Variants in KCTD8 observed in about 807,000 individuals in gnomAD.
The protein encoded by KCTD8 is BTB/POZ domain-containing protein KCTD8.
Under a neutral mutation model 31.5 loss-of-function variants are expected in KCTD8, and 27 were observed. The ratio of observed to expected loss-of-function variants is 0.86; its 90% CI spans 0.63 to 1.18. The LOEUF is 1.18. Ranked by LOEUF, KCTD8 falls within the 50% of genes most tolerant of loss-of-function variation. KCTD8 has a pLI of 0.00. For synonymous variants in KCTD8, 290 were observed against 280.0 expected (o/e 1.04, Z -0.36); for missense variants, 658 against 647.7 (o/e 1.02, Z -0.17).
intron 1 of KCTD8, among the ~76,000 whole-genome samples, chr4:44,408,423 A>G (rs1371587174): frequency 1.3e-5 from 2 of 152,176 alleles, no homozygotes; most frequent in African/African-American, 2.4e-5. Flanking sequence ...GATAATCTAT[A>G]CCTGAGATAT....
intron 1 of KCTD8, among the ~76,000 whole-genome samples, chr4:44,176,406 T>C (rs1560386316): frequency 1.3e-5 from 2 of 152,224 alleles, no homozygotes; most frequent in Admixed American, 6.5e-5. Flanking sequence ...GGGTGCCACC[T>C]GGCCATCAGG....
chr4:44,443,965 C>A (rs1721873274), intron 1 of KCTD8, among the ~76,000 whole-genome samples: 1 of 151,918 alleles, frequency 6.6e-6, no homozygotes, highest in African/African-American at 2.4e-5. Flanking sequence ...TGTTTTTCCC[C>A]CAAGAAAGGA....
chr4:44,185,661 C>T (rs2109332411), intron 1 of KCTD8, among the ~76,000 whole-genome samples: 1 of 152,214 alleles, frequency 6.6e-6, no homozygotes, highest in Non-Finnish European at 1.5e-5. Context: ...CCCCTTTTAG[C>T]TATTCTTCAA....
chr4:44,250,812 A>T (rs1715806981), intron 1 of KCTD8, among the ~76,000 whole-genome samples: 1 of 151,772 alleles, frequency 6.6e-6, no homozygotes, highest in Non-Finnish European at 1.5e-5. Flanking sequence ...AGAAGTAAAT[A>T]GTATTTAATT....
chr4:44,370,762 G>T (rs2109436005), intron 1 of KCTD8, among the ~76,000 whole-genome samples: 1 of 152,164 alleles, frequency 6.6e-6, no homozygotes, highest in Non-Finnish European at 1.5e-5. Context: ...CTAGCTAAAA[G>T]AAAAGTGCAA....
intron 1 of KCTD8, among the ~76,000 whole-genome samples, chr4:44,232,171 A>C (rs1032224250): frequency 1.3e-5 from 2 of 152,164 alleles, no homozygotes; most frequent in Non-Finnish European, 2.9e-5. Flanking sequence ...GCATTTTCAG[A>C]AACAATAATT....
rs1356770516 is a variant in KCTD8, at chr4:44,336,137, G to A, written c.961+111426C>T. Among the ~76,000 whole-genome samples, 4 of 99,706 alleles carry A rather than the reference G, an allele frequency of 4.0e-5. No homozygotes were observed. The East Asian group carries it at 9.7e-4, about 24-fold the overall frequency. 65.4% of individuals were successfully genotyped at this position (99,706 alleles called of 152,430 possible). On this transcript the variant is annotated intron_variant, in intron 1 of 1. Transcript: ENST00000360029. ...TGCACTCCAGCCTGGGCGACAGAGC[G>A]AGACTCCGTCTCAAAAAAAAAAAAA... is the stretch of plus-strand genomic sequence containing the variant.
At chr4:44,353,019 A>G (rs1213555796) in intron 1 of KCTD8, among the ~76,000 whole-genome samples, 1 of 152,148 alleles carries the variant, frequency 6.6e-6, no homozygotes, top group Non-Finnish European at 1.5e-5. Flanking sequence ...GTACAATACA[A>G]TGAGTTTTGG....
At chr4:44,392,608 T>C (rs1720401257) in intron 1 of KCTD8, among the ~76,000 whole-genome samples, 1 of 152,018 alleles carries the variant, frequency 6.6e-6, no homozygotes, top group Non-Finnish European at 1.5e-5. Context: ...ATTAGTCTGA[T>C]TCACTCATAA....
intron 1 of KCTD8, among the ~76,000 whole-genome samples, chr4:44,399,119 G>A (rs111759478): frequency 8.3e-4 from 126 of 152,276 alleles, no homozygotes; most frequent in Non-Finnish European, 1.3e-3. Context: ...ACAGAGGCCA[G>A]GATAGGAGAG....
chr4:44,432,994 C>T (rs1001573332), intron 1 of KCTD8, among the ~76,000 whole-genome samples: 2 of 151,528 alleles, frequency 1.3e-5, no homozygotes, highest in African/African-American at 2.4e-5. Flanking sequence ...CATTTCCAGG[C>T]TCCTCTTTAT....
At chr4:44,236,248 C>A (rs1443905464) in intron 1 of KCTD8, among the ~76,000 whole-genome samples, 1 of 152,094 alleles carries the variant, frequency 6.6e-6, no homozygotes, top group Non-Finnish European at 1.5e-5. Flanking sequence ...TACCCAAATC[C>A]TACCAAAAGC....
intron 1 of KCTD8, among the ~76,000 whole-genome samples, chr4:44,437,489 T>G (rs1217920817): frequency 6.6e-6 from 1 of 152,208 alleles, no homozygotes; most frequent in Admixed American, 6.5e-5. Flanking sequence ...TTCAGTACCT[T>G]AAAATTAATC....
At chr4:44,198,149 G>A (rs1428128035) in intron 1 of KCTD8, among the ~76,000 whole-genome samples, 2 of 152,026 alleles carry the variant, frequency 1.3e-5, no homozygotes, top group Non-Finnish European at 2.9e-5. Context: ...AGAAATATGG[G>A]ACTATGTAAA....
intron 1 of KCTD8, among the ~76,000 whole-genome samples, chr4:44,433,277 C>T (rs902380769): frequency 1.3e-5 from 2 of 151,754 alleles, no homozygotes; most frequent in Admixed American, 1.3e-4. Context: ...CAATAGATCA[C>T]AAAGTCTGAC....
At chr4:44,336,728 AAC>A (rs1404175216) in intron 1 of KCTD8, among the ~76,000 whole-genome samples, 2 of 152,124 alleles carry the variant, frequency 1.3e-5, no homozygotes, top group African/African-American at 4.8e-5. Flanking sequence ...AGAAAATATA[AAC>A]AGTCATAATA....
intron 1 of KCTD8, among the ~76,000 whole-genome samples, chr4:44,382,947 A>T (rs907300075): frequency 3.0e-4 from 45 of 151,944 alleles, no homozygotes; most frequent in Admixed American, 3.9e-4. Context: ...CAACTGATAA[A>T]TTTAATCATG....
At chr4:44,409,893 G>T (rs17461134) in intron 1 of KCTD8, among the ~76,000 whole-genome samples, 10,150 of 151,478 alleles carry the variant, frequency 0.067, 423 homozygotes, top group South Asian at 0.11. Context: ...CAGACAATAG[G>T]AGAAAACACA....
At chr4:44,294,400 G>T (rs991956824) in intron 1 of KCTD8, among the ~76,000 whole-genome samples, 3 of 152,136 alleles carry the variant, frequency 2.0e-5, no homozygotes, top group African/African-American at 7.2e-5. Flanking sequence ...ATTGAAACCA[G>T]ATTTTCTCAT....
Sources: allele counts gnomAD v4.1 joint callset (sites outside exome capture counted in the v4.1 genomes callset), GRCh38; gene constraint gnomAD v4.1.1; transcripts MANE v1.5; gene names NCBI Gene and HGNC (gene_info 2026-07-23, HGNC 2026-07-21).